SLC35F1: variants seen among roughly 807,000 people sequenced by gnomAD.
SLC35F1 encodes solute carrier family 35 member F1, also known as chromosome 6 open reading frame 169.
Under a neutral mutation model 48.7 loss-of-function variants are expected in SLC35F1, and 14 were observed. The observed-to-expected ratio is 0.29, with a 90% CI of 0.19 to 0.45. The LOEUF (loss-of-function observed/expected upper bound fraction) is 0.45. Among genes scored for constraint, SLC35F1 ranks in the 20% least tolerant of loss-of-function variants. The pLI, the probability that SLC35F1 is intolerant of heterozygous loss-of-function variation, is 1.00. For synonymous variants in SLC35F1, 190 were observed against 202.2 expected (o/e 0.94, Z 0.51); for missense variants, 404 against 500.0 (o/e 0.81, Z 1.83).
chr6:118,071,043 CACATA>C (rs371015273), intron 1 of SLC35F1, among the ~76,000 whole-genome samples: 2 of 7,640 alleles, frequency 2.6e-4, no homozygotes, highest in Non-Finnish European at 5.4e-4. Flanking sequence ...TATATATATA[CACATA>C]GTATATATAT....
intron 1 of SLC35F1, among the ~76,000 whole-genome samples, chr6:117,916,142 T>C (rs961745391): frequency 6.6e-6 from 1 of 152,184 alleles, no homozygotes; most frequent in African/African-American, 2.4e-5. Flanking sequence ...ACAGACTGTG[T>C]GGCCAGACCG....
At chr6:117,996,803 A>G (rs113475856) in intron 1 of SLC35F1, among the ~76,000 whole-genome samples, 1,978 of 152,304 alleles carry the variant, frequency 0.013, 31 homozygotes, top group African/African-American at 0.042. Context: ...ATCAAAGTAG[A>G]TAAAACCACA....
chr6:118,304,302 GT>G (rs1562356758), intron 7 of SLC35F1, among the ~76,000 whole-genome samples: 2 of 151,442 alleles, frequency 1.3e-5, no homozygotes, highest in Non-Finnish European at 2.9e-5. Flanking sequence ...GCTATAGTGT[GT>G]GATGATCTCA....
chr6:118,255,500 T>A (rs1291442159), intron 3 of SLC35F1, among the ~76,000 whole-genome samples: 1 of 152,190 alleles, frequency 6.6e-6, no homozygotes, highest in Non-Finnish European at 1.5e-5. Context: ...GCAACTGAGC[T>A]AGAGAGCTTG....
chr6:117,921,150 T>A (rs1042335347), intron 1 of SLC35F1, among the ~76,000 whole-genome samples: 1 of 152,036 alleles, frequency 6.6e-6, no homozygotes, highest in Non-Finnish European at 1.5e-5. Flanking sequence ...GCCCCCCAAC[T>A]TTTTTTACTA....
intron 6 of SLC35F1, among the ~76,000 whole-genome samples, chr6:118,279,903 C>T (rs1775961055): frequency 6.6e-6 from 1 of 152,182 alleles, no homozygotes; most frequent in Non-Finnish European, 1.5e-5. Context: ...TTGGACAACT[C>T]ATGTGGTTGC....
intron 1 of SLC35F1, among the ~76,000 whole-genome samples, chr6:118,121,956 G>A: frequency 6.6e-6 from 1 of 152,108 alleles, no homozygotes; most frequent in East Asian, 1.9e-4. Flanking sequence ...TCAGAAGTCA[G>A]TGTTGCCATG....
chr6:117,973,633 C>T (rs1582594359), intron 1 of SLC35F1, among the ~76,000 whole-genome samples: 2 of 151,952 alleles, frequency 1.3e-5, no homozygotes, highest in South Asian at 4.1e-4. Context: ...TGCAGTCATG[C>T]TCATTGCAGC....
chr6:117,937,627 C>T (rs1776177070), intron 1 of SLC35F1, among the ~76,000 whole-genome samples: 3 of 152,094 alleles, frequency 2.0e-5, no homozygotes. Context: ...AAAAAATTCT[C>T]CCAGTGTCTC....
At chr6:118,066,807 G>GCGATCT (rs1333136444) in intron 1 of SLC35F1, among the ~76,000 whole-genome samples, 1 of 147,312 alleles carries the variant, frequency 6.8e-6, no homozygotes, top group East Asian at 2.0e-4. Flanking sequence ...ATGCAATGGC[G>GCGATCT]CGATCTCGGC....
intron 1 of SLC35F1, among the ~76,000 whole-genome samples, chr6:118,074,064 A>G (rs564842400): frequency 6.6e-6 from 1 of 152,138 alleles, no homozygotes; most frequent in South Asian, 2.1e-4. Context: ...ATTTTTTTCC[A>G]TTTGTTACAG....
Position 117,907,857 on chromosome 6 carries a change from C to T in SLC35F1, c.131C>T (p.Ser44Phe), listed in dbSNP as rs774467377. Residue 44 changes from serine to phenylalanine, a missense_variant, in exon 1 of 8, where the codon TCC becomes TTC. Physicochemically the swap from Ser to Phe is radical, Grantham distance 155. Transcript: ENST00000360388. ...GGCGGCGGGAGCCTGTCCGCCTCCT[C>T]CCGGGCTGGCGTGCGCCAGAGGATC... ...SGGGGSLSAS[S>F]RAGVRQRIRK... is the part of the protein sequence containing the mutation. The T allele has an allele frequency of 1.2e-5, 19 of 1,528,972 alleles. 1 individual carries two copies. In the South Asian group the frequency reaches 2.3e-4, roughly 18 times the overall value. 94.7% of individuals were successfully genotyped at this position (1,528,972 alleles called of 1,614,324 possible). A position where few individuals can be genotyped will look rare whatever the true frequency, so the allele number is the denominator to read the frequency against.
chr6:117,944,854 T>C (rs1776275200), intron 1 of SLC35F1, among the ~76,000 whole-genome samples: 1 of 152,206 alleles, frequency 6.6e-6, no homozygotes, highest in African/African-American at 2.4e-5. Context: ...TTCAGTTTTG[T>C]TGTCTAAATC....
intron 1 of SLC35F1, among the ~76,000 whole-genome samples, chr6:118,115,405 A>G (rs1582673736): frequency 6.6e-6 from 1 of 152,208 alleles, no homozygotes; most frequent in East Asian, 1.9e-4. Context: ...GGAATCAAGG[A>G]CAGAGTGGTG....
chr6:118,041,039 T>C (rs1359032032), intron 1 of SLC35F1, among the ~76,000 whole-genome samples: 1 of 152,088 alleles, frequency 6.6e-6, no homozygotes, highest in Non-Finnish European at 1.5e-5. Context: ...TTATAAGAAA[T>C]ATGAAAAAGA....
chr6:118,246,054 C>T (rs946184377), intron 3 of SLC35F1, among the ~76,000 whole-genome samples: 4 of 152,138 alleles, frequency 2.6e-5, no homozygotes, highest in African/African-American at 9.7e-5. Context: ...TCCTCATCTC[C>T]CATCCTCCTT....
chr6:118,070,912 A>ATATATATACTAT (rs1772696117), intron 1 of SLC35F1, among the ~76,000 whole-genome samples: 1 of 129,616 alleles, frequency 7.7e-6, no homozygotes, highest in Non-Finnish European at 1.6e-5. Flanking sequence ...CTATATATAT[A>ATATATATACTAT]TACATAGTAA....
At chr6:118,205,127 CGTCAA>C (rs1774918504) in intron 2 of SLC35F1, among the ~76,000 whole-genome samples, 2 of 152,174 alleles carry the variant, frequency 1.3e-5, no homozygotes, top group Non-Finnish European at 2.9e-5. Context: ...CCCCATCCTC[CGTCAA>C]GTCAAGACAA....
intron 4 of SLC35F1, among the ~76,000 whole-genome samples, chr6:118,270,541 C>T (rs1299514826): frequency 6.6e-6 from 1 of 152,166 alleles, no homozygotes; most frequent in South Asian, 2.1e-4. Flanking sequence ...ATGTTTGTCA[C>T]CTGTACAACT....
Sources: gnomAD v4.1 joint callset for allele counts (sites outside exome capture counted in the v4.1 genomes callset) on GRCh38, gnomAD v4.1.1 for gene constraint, MANE v1.5 for transcripts, NCBI Gene and HGNC (gene_info 2026-07-23, HGNC 2026-07-21) for gene names.